MSI2: variants seen among roughly 807,000 people sequenced by gnomAD.
MSI2 encodes RNA-binding protein Musashi homolog 2.
A neutral mutation model predicts 45.6 loss-of-function variants in MSI2; 17 were observed. The observed-to-expected ratio is 0.37, with a 90% CI of 0.26 to 0.56. MSI2 has a LOEUF of 0.56. Ranked by LOEUF, MSI2 falls within the 20% of genes least tolerant of loss-of-function variation. The pLI, the probability that MSI2 is intolerant of heterozygous loss-of-function variation, is 0.77. For missense variants in MSI2, 293 were observed against 444.2 expected, an observed-to-expected ratio of 0.66 and a Z score of 3.06; for synonymous variants, 156 against 158.2, an observed-to-expected ratio of 0.99 and a Z score of 0.11.
At chr17:57,487,051 A>G (rs2143782954) in intron 6 of MSI2, among the ~76,000 whole-genome samples, 1 of 152,338 alleles carries the variant, frequency 6.6e-6, no homozygotes, top group Non-Finnish European at 1.5e-5. Flanking sequence ...CTTCACTTGC[A>G]GGCTAGGTTA....
chr17:57,376,401 G>A (rs1348483361), intron 5 of MSI2, among the ~76,000 whole-genome samples: 3 of 152,206 alleles, frequency 2.0e-5, no homozygotes, highest in Admixed American at 6.5e-5. Flanking sequence ...CTCTCCTTCA[G>A]TGCAAGCTGG....
At chr17:57,488,633 G>A (rs573620207) in intron 6 of MSI2, among the ~76,000 whole-genome samples, 99 of 152,248 alleles carry the variant, frequency 6.5e-4, no homozygotes, top group Admixed American at 4.6e-3. Flanking sequence ...GACCAGCCTG[G>A]CTAATATGGT....
At chr17:57,262,853 G>C (rs139685959) in intron 5 of MSI2, among the ~76,000 whole-genome samples, 1 of 152,184 alleles carries the variant, frequency 6.6e-6, no homozygotes, top group African/African-American at 2.4e-5. Flanking sequence ...GAAGTGTGTC[G>C]TTAACATAGT....
chr17:57,340,967 G>A (rs965527180), intron 5 of MSI2, among the ~76,000 whole-genome samples: 6 of 152,172 alleles, frequency 3.9e-5, no homozygotes, highest in African/African-American at 1.4e-4. Context: ...TCCGACCTGG[G>A]ATCTGCATTG....
intron 6 of MSI2, among the ~76,000 whole-genome samples, chr17:57,422,916 G>A (rs963171523): frequency 3.9e-5 from 6 of 152,168 alleles, no homozygotes; most frequent in African/African-American, 1.4e-4. Flanking sequence ...GGGCACCATG[G>A]GTTTCTTTCT....
chr17:57,444,684 T>G (rs2143494311), intron 6 of MSI2: 1 of 152,336 alleles, frequency 6.6e-6, no homozygotes, highest in Non-Finnish European at 1.5e-5. Context: ...TCCTGTTTTG[T>G]TGCTGGAGAA....
In MSI2 at chr17:57,350,809, C is replaced by T. The variant is rs143614900; in HGVS notation, c.313-50570C>T. On this transcript the variant is annotated intron_variant, in intron 5 of 13. Transcript: ENST00000284073. ...GCACGTTTTAGACTTTTTGTTCACC[C>T]ACTGTCATCGTATCAGCTAGGGTCT... Among the ~76,000 whole-genome samples, 213 of 152,288 alleles carry T rather than the reference C, an allele frequency of 1.4e-3. 3 individuals carry two copies. In the East Asian group the frequency reaches 0.039, roughly 28 times the overall value.
chr17:57,647,778 G>A (rs1428650900), intron 10 of MSI2, among the ~76,000 whole-genome samples: 1 of 151,562 alleles, frequency 6.6e-6, no homozygotes, highest in African/African-American at 2.4e-5. Flanking sequence ...CCAAGTAGCT[G>A]GAACAGACAT....
In MSI2 at chr17:57,283,010, C is replaced by T. The variant is rs947531065; in HGVS notation, c.312+20818C>T. Among the ~76,000 whole-genome samples the T allele has an allele frequency of 3.9e-5, 6 of 152,022 alleles. No homozygotes were observed. The South Asian group carries it at 6.2e-4, about 16-fold the overall frequency. On this transcript the variant is annotated intron_variant, in intron 5 of 13. Coordinates refer to ENST00000284073, the MANE Select transcript of MSI2 (RefSeq NM_138962.4). ...AACCATGTTCACCTTTAACTGCAAA[C>T]GGCTGTGACGAGAGTTGTATTTAAT...
chr17:57,668,060 T>C (rs1912502956), intron 11 of MSI2, among the ~76,000 whole-genome samples: 1 of 152,028 alleles, frequency 6.6e-6, no homozygotes, highest in Non-Finnish European at 1.5e-5. Flanking sequence ...TTAGCCAGAT[T>C]TGATGCCGCA....
At chr17:57,603,345 G>A (rs943004692) in intron 8 of MSI2, among the ~76,000 whole-genome samples, 2 of 152,200 alleles carry the variant, frequency 1.3e-5, no homozygotes, top group Admixed American at 6.5e-5. Context: ...GGGACCTGCT[G>A]GGTCACTTAG....
At chr17:57,495,464 C>T (rs1215476500) in intron 6 of MSI2, among the ~76,000 whole-genome samples, 3 of 127,784 alleles carry the variant, frequency 2.3e-5, no homozygotes, top group Non-Finnish European at 1.6e-5. Flanking sequence ...ACCCAGGAGG[C>T]GGAGGTTGCA....
chr17:57,451,599 A>T (rs142221192), intron 6 of MSI2, among the ~76,000 whole-genome samples: 1 of 152,292 alleles, frequency 6.6e-6, no homozygotes, highest in East Asian at 1.9e-4. Flanking sequence ...TCTTCACAGA[A>T]AATGGGTCCC....
At chr17:57,434,777 C>A (rs914604167) in intron 6 of MSI2, among the ~76,000 whole-genome samples, 6 of 119,126 alleles carry the variant, frequency 5.0e-5, no homozygotes, top group Admixed American at 3.9e-4. Context: ...TATATATACA[C>A]CACATTTTTT....
intron 7 of MSI2, among the ~76,000 whole-genome samples, chr17:57,564,326 C>T (rs1342279218): frequency 2.0e-5 from 3 of 152,304 alleles, no homozygotes; most frequent in South Asian, 4.1e-4. Context: ...ATGGTATGGC[C>T]GTGGCTTGCA....
intron 5 of MSI2, among the ~76,000 whole-genome samples, chr17:57,323,310 T>G (rs1337770750): frequency 6.6e-6 from 1 of 152,190 alleles, no homozygotes; most frequent in Non-Finnish European, 1.5e-5. Context: ...GAGACTGATT[T>G]TTTTTCAGAG....
chr17:57,591,402 C>T (rs1026019448), intron 7 of MSI2, among the ~76,000 whole-genome samples: 1 of 152,190 alleles, frequency 6.6e-6, no homozygotes, highest in African/African-American at 2.4e-5. Context: ...TATGATGCCA[C>T]TTATATGAGA....
chr17:57,467,017 G>A (rs2085342199), intron 6 of MSI2, among the ~76,000 whole-genome samples: 1 of 152,198 alleles, frequency 6.6e-6, no homozygotes, highest in Non-Finnish European at 1.5e-5. Context: ...AGAAGGGAGT[G>A]ATGTCTTATA....
At chr17:57,526,350 T>C (rs1271270736) in intron 6 of MSI2, among the ~76,000 whole-genome samples, 2 of 146,164 alleles carry the variant, frequency 1.4e-5, no homozygotes, top group Non-Finnish European at 3.0e-5. Flanking sequence ...CCCCCTGATA[T>C]ACCTGGGTGT....
Sources: gnomAD v4.1 joint callset for allele counts (sites outside exome capture counted in the v4.1 genomes callset) on GRCh38, gnomAD v4.1.1 for gene constraint, MANE v1.5 for transcripts, NCBI Gene and HGNC (gene_info 2026-07-23, HGNC 2026-07-21) for gene names.